Variants in ADAMTS17 observed in about 807,000 individuals in gnomAD.
The protein encoded by ADAMTS17 is A disintegrin and metalloproteinase with thrombospondin motifs 17.
ADAMTS17 carries 113 observed loss-of-function variants against 141.5 expected under a neutral mutation model. The observed-to-expected ratio is 0.80, with a 90% confidence interval of 0.69 to 0.93. ADAMTS17 has a LOEUF of 0.93. ADAMTS17 is among the 40% of genes least tolerant of loss of function. The pLI, the probability that ADAMTS17 is intolerant of heterozygous loss-of-function variation, is 0.00. For missense variants in ADAMTS17, 1,659 were observed against 1,517.9 expected (o/e 1.09, Z -1.54); for synonymous variants, 768 against 630.6 (o/e 1.22, Z -3.27).
At chr15:100,222,731 C>G (rs1305219319) in intron 7 of ADAMTS17, among the ~76,000 whole-genome samples, 1 of 152,222 alleles carries the variant, frequency 6.6e-6, no homozygotes, top group Non-Finnish European at 1.5e-5. Context: ...GGCCAACGCT[C>G]TGCAGTATGG....
intron 15 of ADAMTS17, among the ~76,000 whole-genome samples, chr15:100,065,778 T>C (rs1366279844): frequency 6.6e-6 from 1 of 152,192 alleles, no homozygotes; most frequent in Admixed American, 6.5e-5. Flanking sequence ...TATGTATACA[T>C]GTGCCATGGT....
chr15:99,985,473 A>T (rs2060566168), intron 20 of ADAMTS17, among the ~76,000 whole-genome samples: 1 of 146,112 alleles, frequency 6.8e-6, no homozygotes. Flanking sequence ...TCCTAGAGAG[A>T]TAAGAGATTT....
chr15:100,180,282 C>T (rs186981042), intron 8 of ADAMTS17, among the ~76,000 whole-genome samples: 11 of 152,268 alleles, frequency 7.2e-5, no homozygotes, highest in African/African-American at 2.6e-4. Flanking sequence ...CTGTCCTTTC[C>T]CCAACGTATG....
chr15:100,161,170 T>C (rs80155644), intron 8 of ADAMTS17, among the ~76,000 whole-genome samples: 6,416 of 152,252 alleles, frequency 0.042, 466 homozygotes, highest in African/African-American at 0.14. Context: ...TCTGTATTTG[T>C]TTTGGGAGAC....
At chr15:99,983,361 A>G (rs534808696) in intron 20 of ADAMTS17, among the ~76,000 whole-genome samples, 1 of 152,034 alleles carries the variant, frequency 6.6e-6, no homozygotes, top group Non-Finnish European at 1.5e-5. Context: ...GCGTCCATGT[A>G]AGTCTTCCCA....
At chr15:100,103,642 G>A (rs1250386794) in intron 14 of ADAMTS17, among the ~76,000 whole-genome samples, 2 of 151,684 alleles carry the variant, frequency 1.3e-5, no homozygotes, top group Admixed American at 6.6e-5. Context: ...GCACTGGTGC[G>A]ATCTTGGCTC....
intron 13 of ADAMTS17, among the ~76,000 whole-genome samples, chr15:100,115,284 G>C (rs1428811522): frequency 6.6e-6 from 1 of 152,202 alleles, no homozygotes; most frequent in Admixed American, 6.5e-5. Flanking sequence ...AGGCCGGTGT[G>C]CAACTGCACG....
chr15:100,065,134 G>A (rs1196930986), intron 15 of ADAMTS17, among the ~76,000 whole-genome samples: 1 of 152,076 alleles, frequency 6.6e-6, no homozygotes, highest in Non-Finnish European at 1.5e-5. Flanking sequence ...ACATACAGCA[G>A]AAAACCAGAA....
At chr15:100,197,101 G>C (rs967515269) in intron 8 of ADAMTS17, among the ~76,000 whole-genome samples, 1 of 152,198 alleles carries the variant, frequency 6.6e-6, no homozygotes, top group African/African-American at 2.4e-5. Context: ...CCGCTGCAGG[G>C]AGGCCAGTGT....
intron 3 of ADAMTS17, among the ~76,000 whole-genome samples, chr15:100,289,424 C>T (rs759799069): frequency 2.1e-4 from 32 of 152,146 alleles, no homozygotes; most frequent in Admixed American, 3.9e-4. Flanking sequence ...AGAGCTGGTA[C>T]CATTCCTACT....
At chr15:100,022,938 G>A (rs1366825753) in intron 18 of ADAMTS17, among the ~76,000 whole-genome samples, 2 of 152,132 alleles carry the variant, frequency 1.3e-5, no homozygotes, top group South Asian at 2.1e-4. Context: ...TGCTCAGCAA[G>A]TATCTTGTCA....
At chr15:100,140,507 A>ATATATATATC (rs1491274374) in intron 10 of ADAMTS17, among the ~76,000 whole-genome samples, 4 of 139,892 alleles carry the variant, frequency 2.9e-5, no homozygotes, top group Non-Finnish European at 6.3e-5. Flanking sequence ...ATATATATAT[A>ATATATATATC]TCCAGTAAAG....
chr15:100,005,533 ACT>A (rs780023759), intron 18 of ADAMTS17, among the ~76,000 whole-genome samples: 10 of 152,084 alleles, frequency 6.6e-5, no homozygotes, highest in Admixed American at 1.3e-4. Context: ...TGTTTCTCAC[ACT>A]GTGTCACTCC....
intron 7 of ADAMTS17, among the ~76,000 whole-genome samples, chr15:100,235,222 T>C (rs1307586700): frequency 2.6e-5 from 4 of 152,106 alleles, no homozygotes; most frequent in Admixed American, 6.5e-5. Flanking sequence ...CAGGATTCCA[T>C]GTGCTAGAAA....
intron 4 of ADAMTS17, among the ~76,000 whole-genome samples, chr15:100,268,931 C>T (rs985682266): frequency 6.6e-6 from 1 of 151,786 alleles, no homozygotes; most frequent in Non-Finnish European, 1.5e-5. Flanking sequence ...AAAAACAAGA[C>T]ACACAGACCA....
intron 3 of ADAMTS17, among the ~76,000 whole-genome samples, chr15:100,309,911 T>C (rs534349672): frequency 2.6e-5 from 4 of 152,246 alleles, no homozygotes; most frequent in South Asian, 2.1e-4. Context: ...CCCAGGACCC[T>C]TGCAGGGGCA....
intron 3 of ADAMTS17, among the ~76,000 whole-genome samples, chr15:100,320,789 C>T (rs547677458): frequency 1.5e-4 from 23 of 152,068 alleles, no homozygotes; most frequent in Admixed American, 6.5e-4. Flanking sequence ...ACCAAGATCG[C>T]GCCACTGCAC....
intron 2 of ADAMTS17, among the ~76,000 whole-genome samples, chr15:100,338,370 C>T (rs979119252): frequency 1.2e-4 from 19 of 152,296 alleles, no homozygotes; most frequent in African/African-American, 4.6e-4. Flanking sequence ...ACGTGTGTGC[C>T]CCCAGCCCAG....
intron 15 of ADAMTS17, among the ~76,000 whole-genome samples, chr15:100,055,326 GT>G (rs1250499194): frequency 1.3e-5 from 2 of 152,190 alleles, no homozygotes; most frequent in Non-Finnish European, 2.9e-5. Flanking sequence ...CCCAAAAGGG[GT>G]TTTGGTTACT....
Sources: gnomAD v4.1 joint callset for allele counts (sites outside exome capture counted in the v4.1 genomes callset) on GRCh38, gnomAD v4.1.1 for gene constraint, MANE v1.5 for transcripts, NCBI Gene and HGNC (gene_info 2026-07-23, HGNC 2026-07-21) for gene names.